KIAA1328: variants seen among roughly 807,000 people sequenced by gnomAD.
KIAA1328 encodes the protein KIAA1328, also known as protein hinderin.
KIAA1328 carries 52 observed loss-of-function variants against 68.1 expected under a neutral mutation model. The ratio of observed to expected loss-of-function variants is 0.76; its 90% CI spans 0.61 to 0.96. The LOEUF is 0.96. KIAA1328 is among the 40% of genes least tolerant of loss of function. The pLI is 0.00. For missense variants in KIAA1328, 641 were observed against 677.6 expected (o/e 0.95, Z 0.60); for synonymous variants, 232 against 239.4 (o/e 0.97, Z 0.28).
intron 7 of KIAA1328, among the ~76,000 whole-genome samples, chr18:37,110,682 G>C (rs1027625877): frequency 1.3e-5 from 2 of 152,116 alleles, no homozygotes; most frequent in Non-Finnish European, 2.9e-5. Flanking sequence ...GAATTTTCTG[G>C]ATAGATAGGA....
intron 6 of KIAA1328, among the ~76,000 whole-genome samples, chr18:37,055,188 G>A (rs968467723): frequency 1.3e-5 from 2 of 152,136 alleles, no homozygotes; most frequent in Non-Finnish European, 2.9e-5. Context: ...GGGCCCATTA[G>A]ATCTAACTTG....
At chr18:36,884,175 A>G (rs972830671) in intron 4 of KIAA1328, among the ~76,000 whole-genome samples, 1 of 151,960 alleles carries the variant, frequency 6.6e-6, no homozygotes, top group African/African-American at 2.4e-5. Flanking sequence ...AAGGGAAGGC[A>G]TTGTAAAGAG....
intron 6 of KIAA1328, among the ~76,000 whole-genome samples, chr18:36,971,386 T>C (rs2052202854): frequency 6.6e-6 from 1 of 151,958 alleles, no homozygotes; most frequent in Non-Finnish European, 1.5e-5. Flanking sequence ...CATAGGCACT[T>C]TGGGAAGCCG....
At chr18:36,858,777 C>G (rs1044138553) in intron 4 of KIAA1328, among the ~76,000 whole-genome samples, 2 of 152,176 alleles carry the variant, frequency 1.3e-5, no homozygotes, top group African/African-American at 4.8e-5. Flanking sequence ...ACGAATTCCA[C>G]AGAGGTGAAG....
chr18:36,908,824 T>C (rs2151060823), intron 5 of KIAA1328, among the ~76,000 whole-genome samples: 1 of 152,294 alleles, frequency 6.6e-6, no homozygotes, highest in Non-Finnish European at 1.5e-5. Flanking sequence ...CAATAAATTA[T>C]GTTAATTGAG....
At chr18:36,911,016 C>G (rs986016566) in intron 5 of KIAA1328, among the ~76,000 whole-genome samples, 5 of 152,034 alleles carry the variant, frequency 3.3e-5, no homozygotes, top group Non-Finnish European at 7.4e-5. Context: ...CTTTCAATCA[C>G]TACTACTCTC....
chr18:37,024,368 CTTTAT>C (rs1227119453), intron 6 of KIAA1328, among the ~76,000 whole-genome samples: 9 of 41,578 alleles, frequency 2.2e-4, no homozygotes, highest in African/African-American at 3.6e-4. Flanking sequence ...TATTTATTTA[CTTTAT>C]TTTATATATA....
intron 7 of KIAA1328, among the ~76,000 whole-genome samples, chr18:37,119,642 C>T (rs1344068273): frequency 1.3e-5 from 2 of 152,098 alleles, no homozygotes; most frequent in African/African-American, 2.4e-5. Flanking sequence ...TCTTCAAATA[C>T]CATCAAATTG....
chr18:37,103,868 G>A (rs950473699), intron 7 of KIAA1328, among the ~76,000 whole-genome samples: 1 of 150,726 alleles, frequency 6.6e-6, no homozygotes, highest in Admixed American at 6.6e-5. Context: ...GAACTGAATA[G>A]GTATTTCTCA....
chr18:36,851,435 G>A (rs1287110118), intron 4 of KIAA1328, among the ~76,000 whole-genome samples: 1 of 151,688 alleles, frequency 6.6e-6, no homozygotes, highest in Admixed American at 6.6e-5. Context: ...CTGGTCCCTG[G>A]ATTGTCTTTG....
intron 6 of KIAA1328, among the ~76,000 whole-genome samples, chr18:37,042,653 C>T (rs917343141): frequency 6.6e-6 from 1 of 152,074 alleles, no homozygotes; most frequent in Non-Finnish European, 1.5e-5. Context: ...TTCCCTTGCT[C>T]CTTTGGAGAA....
At chr18:36,830,822 G>A (rs1416700890) in intron 1 of KIAA1328, among the ~76,000 whole-genome samples, 1 of 152,164 alleles carries the variant, frequency 6.6e-6, no homozygotes, top group African/African-American at 2.4e-5. Flanking sequence ...GGGGAAAAAT[G>A]GTGGCGATTA....
intron 7 of KIAA1328, among the ~76,000 whole-genome samples, chr18:37,158,986 T>C (rs2154211137): frequency 6.6e-6 from 1 of 152,230 alleles, no homozygotes; most frequent in East Asian, 1.9e-4. Flanking sequence ...GTGCAATTTG[T>C]ATAACCCTAA....
chr18:36,953,413 GA>G (rs2051254534), intron 5 of KIAA1328, among the ~76,000 whole-genome samples: 1 of 140,164 alleles, frequency 7.1e-6, no homozygotes, highest in Non-Finnish European at 1.5e-5. Context: ...TAGATAGATA[GA>G]TAGATAGAGA....
Position 36,851,642 on chromosome 18 carries a change from GTAA to G in KIAA1328, c.332+7345_332+7347del, listed in dbSNP as rs2047215732. On this transcript the variant is annotated intron_variant, in intron 4 of 9. Coordinates refer to ENST00000280020, the MANE Select transcript of KIAA1328 (RefSeq NM_020776.3). The stretch of plus-strand genomic sequence containing the variant: ...AATACTTTTTATTTCTGTAAAGTTA[GTAA>G]TAATGTCTCCACTTTTATTTCTAAT... Among the ~76,000 whole-genome samples, 4 of 151,782 alleles carry G rather than the reference GTAA, an allele frequency of 2.6e-5. 1 individual carries two copies. In the South Asian group the frequency reaches 6.2e-4, roughly 24 times the overall value.
chr18:36,968,494 A>C (rs2052035720), intron 6 of KIAA1328, among the ~76,000 whole-genome samples: 2 of 152,048 alleles, frequency 1.3e-5, no homozygotes, highest in African/African-American at 4.8e-5. Context: ...ACAGACTTTA[A>C]ACATCTTGCC....
intron 5 of KIAA1328, among the ~76,000 whole-genome samples, chr18:36,944,515 C>G (rs934848441): frequency 6.6e-6 from 1 of 151,850 alleles, no homozygotes; most frequent in African/African-American, 2.4e-5. Context: ...GGAGGCGGAG[C>G]TTGCAGTGAG....
chr18:37,139,150 A>T (rs1300569919), intron 7 of KIAA1328, among the ~76,000 whole-genome samples: 2 of 151,762 alleles, frequency 1.3e-5, no homozygotes, highest in East Asian at 1.9e-4. Context: ...TTTTTAGTAG[A>T]GACGGGGTTT....
intron 6 of KIAA1328, among the ~76,000 whole-genome samples, chr18:37,057,686 C>T (rs531460317): frequency 6.1e-4 from 92 of 151,816 alleles, no homozygotes; most frequent in African/African-American, 2.1e-3. Context: ...CCACCTGCCT[C>T]GGCCTCCCAA....
Sources: allele counts gnomAD v4.1 joint callset (sites outside exome capture counted in the v4.1 genomes callset), GRCh38; gene constraint gnomAD v4.1.1; transcripts MANE v1.5; gene names NCBI Gene and HGNC (gene_info 2026-07-23, HGNC 2026-07-21).